TLCD4: variants seen among roughly 807,000 people sequenced by gnomAD.
TLCD4 encodes TLC domain-containing protein 4.
Under a neutral mutation model 24.2 loss-of-function variants are expected in TLCD4, and 7 were observed. The ratio of observed to expected loss-of-function variants is 0.29; its 90% CI spans 0.16 to 0.54. The LOEUF (loss-of-function observed/expected upper bound fraction) is 0.54. Among genes scored for constraint, TLCD4 ranks in the 20% least tolerant of loss-of-function variants. The pLI is 0.95. For synonymous variants in TLCD4, 103 were observed against 106.4 expected, an observed-to-expected ratio of 0.97 and a Z score of 0.20; for missense variants, 259 against 313.9, an observed-to-expected ratio of 0.82 and a Z score of 1.32.
At chr1:95,191,512 G>T (rs745596870) in intron 6 of TLCD4, 38 bp from the exon 7 acceptor site, 40 of 1,565,528 alleles carry the variant, frequency 2.6e-5, no homozygotes, top group Non-Finnish European at 8.6e-7. Flanking sequence ...CCTCAGAGAT[G>T]CACTATAAAT....
intron 3 of TLCD4, among the ~76,000 whole-genome samples, chr1:95,149,588 CT>C (rs1401853736): frequency 6.6e-6 from 1 of 152,052 alleles, no homozygotes; most frequent in Non-Finnish European, 1.5e-5. Context: ...CATTGGGATG[CT>C]GTTTTTCAAA....
upstream of TLCD4, among the ~76,000 whole-genome samples, chr1:95,116,098 G>T (rs568221683): frequency 6.6e-6 from 1 of 152,242 alleles, no homozygotes; most frequent in South Asian, 2.1e-4. Context: ...CGCATTTGGG[G>T]GCCTGAAAGA....
chr1:95,160,349 T>G (rs1270261597), intron 5 of TLCD4, among the ~76,000 whole-genome samples: 1 of 152,238 alleles, frequency 6.6e-6, no homozygotes, highest in East Asian at 1.9e-4. Flanking sequence ...TTTTTGCACA[T>G]TGATTTTGTA....
At chr1:95,165,656 G>A (rs193068045) in intron 5 of TLCD4, among the ~76,000 whole-genome samples, 301 of 152,150 alleles carry the variant, frequency 2.0e-3, no homozygotes, top group African/African-American at 7.0e-3. Flanking sequence ...TAGTAGAGAC[G>A]GGGTTTCAAC....
At chr1:95,119,084 C>CA (rs1362609051) in intron 1 of TLCD4, among the ~76,000 whole-genome samples, 1 of 152,168 alleles carries the variant, frequency 6.6e-6, no homozygotes, top group Non-Finnish European at 1.5e-5. Context: ...TATTTATTTA[C>CA]AGTATTAGAT....
At chr1:95,150,828 C>T (rs1000232835) in intron 4 of TLCD4, among the ~76,000 whole-genome samples, 54 of 151,948 alleles carry the variant, frequency 3.6e-4, no homozygotes, top group Non-Finnish European at 2.9e-5. Flanking sequence ...CTATGACCAT[C>T]TTATCTCTGT....
Position 95,192,814 on chromosome 1 carries a change from C to A in TLCD4, c.*946C>A, listed in dbSNP as rs1255835639. 1 of 152,042 alleles carries A rather than the reference C, an allele frequency of 6.6e-6. No individual in the cohort carries two copies. The highest frequency in any genetic ancestry group is 1.5e-5 in the Non-Finnish European group (1 of 67,970). 9.4% of individuals were successfully genotyped at this position (152,042 alleles called of 1,614,324 possible). ...ATTTTTTCAAATATCACTGTCATTTCTATTTTAGCATTTTATCAAATTATT... is the reference window on the plus strand; with the variant it reads ...ATTTTTTCAAATATCACTGTCATTTATATTTTAGCATTTTATCAAATTATT... On this transcript the variant is annotated 3_prime_UTR_variant, in exon 7 of 7. Coordinates refer to ENST00000370203, the MANE Select transcript of TLCD4 (RefSeq NM_152487.3).
chr1:95,104,181 C>G, the TLCD4 span, among the ~76,000 whole-genome samples: 1 of 152,154 alleles, frequency 6.6e-6, no homozygotes, highest in Non-Finnish European at 1.5e-5. Flanking sequence ...AGGTAAGACT[C>G]TCCCTCAGCC....
the TLCD4 span, among the ~76,000 whole-genome samples, chr1:95,108,945 G>C: frequency 3.4e-3 from 518 of 152,178 alleles, no homozygotes; most frequent in South Asian, 6.2e-3. Flanking sequence ...TGGTAAACTT[G>C]TTTGTTTATT....
the TLCD4 span, among the ~76,000 whole-genome samples, chr1:95,097,167 A>G: frequency 1.3e-5 from 2 of 152,324 alleles, no homozygotes; most frequent in Admixed American, 1.3e-4. Flanking sequence ...CTTTGTAAAT[A>G]TCAAATCAAT....
At chr1:95,172,977 A>G (rs1053482415) in intron 5 of TLCD4, among the ~76,000 whole-genome samples, 9 of 152,186 alleles carry the variant, frequency 5.9e-5, no homozygotes, top group African/African-American at 1.7e-4. Context: ...TTTCCTTCCA[A>G]TGTTTACTAA....
At chr1:95,155,869 G>A (rs1677619020) in intron 5 of TLCD4, among the ~76,000 whole-genome samples, 1 of 151,758 alleles carries the variant, frequency 6.6e-6, no homozygotes, top group African/African-American at 2.4e-5. Flanking sequence ...CAATAGGATA[G>A]AATGAGTGGT....
At chr1:95,129,965 A>G (rs183843153) in intron 1 of TLCD4, among the ~76,000 whole-genome samples, 50 of 152,232 alleles carry the variant, frequency 3.3e-4, no homozygotes, top group African/African-American at 1.2e-3. Flanking sequence ...GAGGTGGAAC[A>G]TTTTCTTCAT....
chr1:95,123,585 C>T (rs1194016421), intron 1 of TLCD4, among the ~76,000 whole-genome samples: 1 of 152,172 alleles, frequency 6.6e-6, no homozygotes, highest in Admixed American at 6.5e-5. Context: ...GCTTCCTCTT[C>T]CAGCTCCCAC....
In TLCD4 at chr1:95,196,443, A is replaced by G. The variant is rs539055853; in HGVS notation, c.*4575A>G. 4.6e-5 allele frequency: 7 copies of G among 152,350 alleles called. No homozygotes were observed. The South Asian group carries it at 1.5e-3, about 32-fold the overall frequency. The allele number at this position is 152,350 out of a possible 1,614,324, so 9.4% of individuals were successfully genotyped here. On this transcript the variant is annotated 3_prime_UTR_variant, in exon 7 of 7. Transcript: ENST00000370203. ...GTTACTTGGTGTTTTCCAAAGTACA[A>G]CATCCAAGGCTTGAACCTTACCCGT...
upstream of TLCD4, among the ~76,000 whole-genome samples, chr1:95,112,795 CA>C (rs1458612889): frequency 6.6e-6 from 1 of 152,090 alleles, no homozygotes; most frequent in African/African-American, 2.4e-5. Context: ...TGTGTTTGGG[CA>C]TTGGAAGATA....
At chr1:95,130,604 T>C (rs1467358504) in intron 1 of TLCD4, among the ~76,000 whole-genome samples, 2 of 152,248 alleles carry the variant, frequency 1.3e-5, no homozygotes, top group East Asian at 1.9e-4. Flanking sequence ...TGGCCAGGGT[T>C]TTTTATTTGT....
At chr1:95,106,306 C>T in the TLCD4 span, among the ~76,000 whole-genome samples, 1 of 152,182 alleles carries the variant, frequency 6.6e-6, no homozygotes, top group Non-Finnish European at 1.5e-5. Flanking sequence ...CTACTTACCA[C>T]AGAGAATTTT....
chr1:95,152,241 C>T (rs1040810353), intron 5 of TLCD4, among the ~76,000 whole-genome samples: 17 of 152,178 alleles, frequency 1.1e-4, no homozygotes, highest in African/African-American at 2.6e-4. Flanking sequence ...ACCAATCTTA[C>T]AGTAGTTACT....
Sources: allele counts gnomAD v4.1 joint callset (sites outside exome capture counted in the v4.1 genomes callset), GRCh38; gene constraint gnomAD v4.1.1; transcripts MANE v1.5; gene names NCBI Gene and HGNC (gene_info 2026-07-23, HGNC 2026-07-21).